ACOXL: variants seen among roughly 807,000 people sequenced by gnomAD.
The protein encoded by ACOXL is acyl-CoA oxidase like.
A neutral mutation model predicts 71.9 loss-of-function variants in ACOXL; 70 were observed. That is an observed-to-expected ratio of 0.97 (90% CI 0.80 to 1.19). ACOXL has a LOEUF of 1.19. Among genes scored for constraint, ACOXL ranks in the 50% most tolerant of loss-of-function variants. The pLI is 0.00. For synonymous variants in ACOXL, 253 were observed against 281.6 expected (o/e 0.90, Z 1.02); for missense variants, 703 against 736.3 (o/e 0.95, Z 0.52).
chr2:111,093,333 G>C (rs139640953), intron 17 of ACOXL, among the ~76,000 whole-genome samples: 111 of 151,918 alleles, frequency 7.3e-4, no homozygotes, highest in African/African-American at 2.6e-3. Flanking sequence ...TTTTATGTCA[G>C]TGGTAGCCAT....
chr2:110,764,535 G>C (rs532568699), intron 1 of ACOXL, among the ~76,000 whole-genome samples: 20 of 152,232 alleles, frequency 1.3e-4, no homozygotes, highest in Non-Finnish European at 2.9e-4. Context: ...TGATTTTTAG[G>C]GCAGTGAAGC....
At chr2:110,853,619 T>C (rs911227346) in intron 10 of ACOXL, among the ~76,000 whole-genome samples, 2 of 152,206 alleles carry the variant, frequency 1.3e-5, no homozygotes, top group African/African-American at 4.8e-5. Context: ...AGAAGAGTAG[T>C]CCCTCCAAAA....
At chr2:110,908,489 G>A (rs1316203844) in intron 10 of ACOXL, among the ~76,000 whole-genome samples, 4 of 152,168 alleles carry the variant, frequency 2.6e-5, no homozygotes, top group African/African-American at 9.6e-5. Context: ...GGGGCACTTG[G>A]AACTATAAAA....
At chr2:110,801,361 G>A (rs1375332616) in intron 7 of ACOXL, among the ~76,000 whole-genome samples, 2 of 152,206 alleles carry the variant, frequency 1.3e-5, no homozygotes. Flanking sequence ...CTGCTCGGGA[G>A]GTAGGTGTGC....
intron 2 of ACOXL, among the ~76,000 whole-genome samples, chr2:110,783,660 C>T (rs546380840): frequency 5.5e-4 from 84 of 152,228 alleles, no homozygotes; most frequent in African/African-American, 1.8e-3. Flanking sequence ...CAGATGCACA[C>T]GCACATATAG....
At chr2:111,103,353 G>T (rs774718535) in intron 17 of ACOXL, among the ~76,000 whole-genome samples, 26 of 152,154 alleles carry the variant, frequency 1.7e-4, no homozygotes, top group Admixed American at 2.6e-4. Context: ...AGGGGTGACC[G>T]CATTTTAAGA....
intron 17 of ACOXL, among the ~76,000 whole-genome samples, chr2:111,114,629 C>T (rs2070217839): frequency 6.6e-6 from 1 of 151,998 alleles, no homozygotes; most frequent in African/African-American, 2.4e-5. Flanking sequence ...GCTGGGGTGT[C>T]CCTCCAAGTG....
intron 10 of ACOXL, among the ~76,000 whole-genome samples, chr2:110,893,057 A>G (rs954382742): frequency 6.6e-6 from 1 of 152,246 alleles, no homozygotes; most frequent in Non-Finnish European, 1.5e-5. Context: ...AAGTACAATA[A>G]GTGACCCAAC....
chr2:110,768,769 T>A (rs2104992457), intron 2 of ACOXL, among the ~76,000 whole-genome samples: 2 of 152,310 alleles, frequency 1.3e-5, no homozygotes, highest in African/African-American at 4.8e-5. Flanking sequence ...GTACTCAGTG[T>A]TTAGCTCTCA....
At chr2:110,961,729 T>G (rs1004488635) in intron 12 of ACOXL, among the ~76,000 whole-genome samples, 1 of 152,192 alleles carries the variant, frequency 6.6e-6, no homozygotes, top group South Asian at 2.1e-4. Context: ...AGAGGTTTAA[T>G]GGACTCACAG....
chr2:110,951,392 A>G (rs892169705), intron 12 of ACOXL, among the ~76,000 whole-genome samples: 3 of 152,242 alleles, frequency 2.0e-5, no homozygotes, highest in Admixed American at 6.5e-5. Context: ...CACCTGAGAA[A>G]AATGATAGCT....
chr2:110,935,293 G>C (rs2060620730), intron 12 of ACOXL, among the ~76,000 whole-genome samples: 1 of 152,142 alleles, frequency 6.6e-6, no homozygotes, highest in Non-Finnish European at 1.5e-5. Flanking sequence ...CTTTCTCGCA[G>C]TTCACAGGTG....
intron 13 of ACOXL, among the ~76,000 whole-genome samples, chr2:110,991,427 A>G (rs2063168129): frequency 6.6e-6 from 1 of 152,064 alleles, no homozygotes; most frequent in Non-Finnish European, 1.5e-5. Context: ...ATGCTCATGA[A>G]TGTATTGTCT....
At chr2:110,837,661 G>C (rs1484058764) in intron 9 of ACOXL, among the ~76,000 whole-genome samples, 1 of 151,994 alleles carries the variant, frequency 6.6e-6, no homozygotes, top group East Asian at 1.9e-4. Flanking sequence ...CAAAACAGCT[G>C]CCTCAGTCAG....
chr2:110,980,240 G>A (rs1351964806), intron 12 of ACOXL, among the ~76,000 whole-genome samples: 1 of 152,236 alleles, frequency 6.6e-6, no homozygotes, highest in Non-Finnish European at 1.5e-5. Flanking sequence ...ACCCAGCAGG[G>A]GCTCAATTAA....
At chr2:110,755,348 A>G (rs553520551) in intron 1 of ACOXL, among the ~76,000 whole-genome samples, 1 of 152,340 alleles carries the variant, frequency 6.6e-6, no homozygotes, top group East Asian at 1.9e-4. Flanking sequence ...CATAAAAGAG[A>G]AATTATAGCT....
chr2:110,933,026 A>C (rs576929480), intron 11 of ACOXL, among the ~76,000 whole-genome samples: 3 of 152,172 alleles, frequency 2.0e-5, no homozygotes, highest in East Asian at 1.9e-4. Context: ...TGCAGGTATA[A>C]ATTTTTTTGT....
chr2:111,114,802 G>A (rs540989143), intron 17 of ACOXL, among the ~76,000 whole-genome samples: 28 of 151,908 alleles, frequency 1.8e-4, no homozygotes, highest in African/African-American at 5.8e-4. Flanking sequence ...GTCAAAAAGA[G>A]CAGAAAAATA....
At chr2:110,901,957 G>T (rs2059252213) in intron 10 of ACOXL, among the ~76,000 whole-genome samples, 1 of 151,554 alleles carries the variant, frequency 6.6e-6, no homozygotes, top group Admixed American at 6.6e-5. Context: ...AACCCGGGAG[G>T]CAGAGGTTGC....
Sources: gnomAD v4.1 joint callset for allele counts (sites outside exome capture counted in the v4.1 genomes callset) on GRCh38, gnomAD v4.1.1 for gene constraint, MANE v1.5 for transcripts, NCBI Gene and HGNC (gene_info 2026-07-23, HGNC 2026-07-21) for gene names.